The following SARM1 variants were observed in gnomAD, a reference collection of about 807,000 sequenced individuals.
SARM1 encodes NAD(+) hydrolase SARM1.
In SARM1, 60 loss-of-function variants were observed where a neutral mutation model predicts 65.1. The observed-to-expected ratio is 0.92, with a 90% CI of 0.75 to 1.14. The LOEUF is 1.14. SARM1 is among the 50% of genes most tolerant of loss of function. The pLI is 0.00. For missense variants in SARM1, 913 were observed against 1,015.7 expected, an observed-to-expected ratio of 0.90 and a Z score of 1.37; for synonymous variants, 417 against 465.4, an observed-to-expected ratio of 0.90 and a Z score of 1.34.
intron 7 of SARM1, among the ~76,000 whole-genome samples, chr17:28,394,054 G>C (rs1265274236): frequency 6.6e-6 from 1 of 152,210 alleles, no homozygotes; most frequent in Non-Finnish European, 1.5e-5. Flanking sequence ...CAGGGCAGGG[G>C]TAGAGTTTGA....
At chr17:28,391,549 G>A (rs2068079561) in intron 7 of SARM1, among the ~76,000 whole-genome samples, 1 of 152,032 alleles carries the variant, frequency 6.6e-6, no homozygotes, top group South Asian at 2.1e-4. Context: ...CATCCAGGAA[G>A]AACATGGCTG....
rs1555585164 is a variant in SARM1, at chr17:28,381,251, G to A, written c.519G>A (p.Lys173=). ...IGLGVILNLA[K]EREPVELARS... ...TGGGCGTGATCCTGAACCTGGCGAA[G>A]GAACGCGAACCCGTAGAGCTGGCGC... is the stretch of plus-strand genomic sequence containing the variant. Residue 173 remains lysine (K), a synonymous_variant, in exon 2 of 9, where the codon AAG becomes AAA. Coordinates refer to ENST00000585482, the MANE Select transcript of SARM1 (RefSeq NM_015077.4). The A allele has an allele frequency of 6.2e-7, 1 of 1,611,068 alleles. No homozygotes were observed. Among genetic ancestry groups the A allele is most frequent in the South Asian group, 1.1e-5 (1 of 90,336 alleles).
chr17:28,373,336 G>C (rs1597814353), intron 1 of SARM1: 1 of 152,260 alleles, frequency 6.6e-6, no homozygotes, highest in East Asian at 1.9e-4. Flanking sequence ...TGCCAGAGCA[G>C]ACCAAGCTGT....
In SARM1 at chr17:28,372,410, C is replaced by T; in HGVS notation, c.378C>T (p.Leu126=). 2 of 1,529,670 alleles carry T rather than the reference C, an allele frequency of 1.3e-6. No homozygotes were observed. The highest frequency in any genetic ancestry group is 1.7e-6 in the Non-Finnish European group (2 of 1,144,750). The allele number at this position is 1,529,670 out of a possible 1,614,324, so 94.8% of individuals were successfully genotyped here. A position where few individuals can be genotyped will look rare whatever the true frequency, so the allele number is the denominator to read the frequency against. Residue 126 remains leucine, a synonymous_variant, in exon 1 of 9, where the codon CTC becomes CTT. Transcript: ENST00000585482. The surrounding 1 kb of genome is among the most constrained non-coding windows in gnomAD (Gnocchi z 5.2). ...ACGCCATCCGCCTCGATGGCGGCCT[C>T]GACCTGCTGTTGCGGCTGCTGCAGG... The part of the protein sequence containing the change: ...LCDAIRLDGG[L]DLLLRLLQAP...
Position 28,403,111 on chromosome 17 carries a change from C to T in SARM1, c.*6825C>T, listed in dbSNP as rs1555590000. The stretch of plus-strand genomic sequence containing the variant: ...GGAAGAAATGAGAAACACGTTCTCT[C>T]CTGGAGGCTTGCAAGGGAGCACTGC... On this transcript the variant is annotated 3_prime_UTR_variant, in exon 9 of 9. Transcript: ENST00000585482. 11 of 152,284 alleles carry T rather than the reference C, an allele frequency of 7.2e-5. No individual in the cohort carries two copies. The highest frequency in any genetic ancestry group is 1.6e-4 in the Non-Finnish European group (11 of 68,110). The allele number at this position is 152,284 out of a possible 1,614,324, so 9.4% of individuals were successfully genotyped here. A position where few individuals can be genotyped will look rare whatever the true frequency, so the allele number is the denominator to read the frequency against.
intron 5 of SARM1, 84 bp from the exon 6 acceptor site, chr17:28,388,090 G>A (rs1597821544): frequency 9.2e-7 from 1 of 1,089,604 alleles, no homozygotes; most frequent in Non-Finnish European, 1.4e-6. Flanking sequence ...GTGGACTGGG[G>A]ACTAAGTCCA....
intron 7 of SARM1, among the ~76,000 whole-genome samples, chr17:28,389,482 T>C (rs1411700050): frequency 2.0e-5 from 3 of 152,212 alleles, no homozygotes; most frequent in Non-Finnish European, 2.9e-5. Flanking sequence ...CCATATTGCA[T>C]CTTCAGGTTA....
chr17:28,402,131 G>A lies in SARM1; in HGVS notation c.*5845G>A, dbSNP rs1239879860. The A allele has an allele frequency of 2.4e-5, 22 of 925,522 alleles. No individual in the cohort carries two copies. Among genetic ancestry groups the A allele is most frequent in the Non-Finnish European group, 3.6e-5 (22 of 616,096 alleles). The allele number at this position is 925,522 out of a possible 1,614,324, so 57.3% of individuals were successfully genotyped here. On this transcript the variant is annotated 3_prime_UTR_variant, in exon 9 of 9. Coordinates refer to ENST00000585482, the MANE Select transcript of SARM1 (RefSeq NM_015077.4). The stretch of plus-strand genomic sequence containing the variant: ...TGTTTTGGCCACTTACTTCTCCAGG[G>A]TGAGAGGGGGGAAGGCAAGCTGTTC...
rs1385287448 is a variant in SARM1 at position 28,396,473 on chromosome 17, G to A, written c.*187G>A. The A allele has an allele frequency of 1.5e-6, 1 of 686,222 alleles. No individual in the cohort carries two copies. Among genetic ancestry groups the A allele is most frequent in the African/African-American group, 1.8e-5 (1 of 55,332 alleles). 42.5% of individuals were successfully genotyped at this position (686,222 alleles called of 1,614,324 possible). A position where few individuals can be genotyped will look rare whatever the true frequency, so the allele number is the denominator to read the frequency against. On this transcript the variant is annotated 3_prime_UTR_variant, in exon 9 of 9. Transcript: ENST00000585482. Reference sequence around the variant, plus strand: ...CCACTTTCCTCAGTATCTGGAGAGGGAAGGGAAGTCAGGCTTGGGCACGGG... The same window carrying A: ...CCACTTTCCTCAGTATCTGGAGAGGAAAGGGAAGTCAGGCTTGGGCACGGG...
intron 1 of SARM1, among the ~76,000 whole-genome samples, chr17:28,380,959 A>G (rs868919567): frequency 1.3e-5 from 2 of 152,188 alleles, no homozygotes; most frequent in African/African-American, 2.4e-5. Flanking sequence ...GCCACCACAC[A>G]TACTGCCTCT....
chr17:28,376,657 A>G (rs1555584670), intron 1 of SARM1, among the ~76,000 whole-genome samples: 2 of 152,144 alleles, frequency 1.3e-5, no homozygotes, highest in Non-Finnish European at 2.9e-5. Flanking sequence ...TTTGGTAGAG[A>G]CAGGGTCTTT....
rs112805354 is a variant in SARM1 at position 28,384,710 on chromosome 17, G to A, written c.1303-129G>A. On this transcript the variant is annotated intron_variant, in intron 3 of 8. Transcript: ENST00000585482. The surrounding 1 kb of genome is among the most constrained non-coding windows in gnomAD (Gnocchi z 4.4). ...GAGCCTGTACGCAGCCACCGTTAGGGTCACTCGGCTCTGATCTAGGTCCCA... is the reference window on the plus strand; with the variant it reads ...GAGCCTGTACGCAGCCACCGTTAGGATCACTCGGCTCTGATCTAGGTCCCA... 452 of 1,197,062 alleles carry A rather than the reference G, an allele frequency of 3.8e-4. 1 individual carries two copies. In the African/African-American group the frequency reaches 6.2e-3, roughly 16 times the overall value. 74.2% of individuals were successfully genotyped at this position (1,197,062 alleles called of 1,614,324 possible).
At chr17:28,383,709 G>A (rs1161703153) in intron 2 of SARM1, among the ~76,000 whole-genome samples, 1 of 152,202 alleles carries the variant, frequency 6.6e-6, no homozygotes, top group Non-Finnish European at 1.5e-5. Flanking sequence ...TAGTGACTAA[G>A]ACATGTCCTC....
intron 5 of SARM1, among the ~76,000 whole-genome samples, chr17:28,387,069 C>T (rs1277032874): frequency 6.6e-6 from 1 of 152,002 alleles, no homozygotes; most frequent in African/African-American, 2.4e-5. Context: ...ACAGGAAAAT[C>T]CTAGGGCAAA....
intron 7 of SARM1, among the ~76,000 whole-genome samples, chr17:28,393,418 G>A (rs1555587195): frequency 6.6e-6 from 1 of 152,082 alleles, no homozygotes. Flanking sequence ...GGACATGGTG[G>A]CACACGCCTG....
In SARM1 at chr17:28,399,691, G is replaced by A. The variant is rs782088415; in HGVS notation, c.*3405G>A. ...TGGGGAAACTGCTGGAACTCGAGGT[G>A]AGGATCAGCCTTTTCCAGCATCCTG... On this transcript the variant is annotated 3_prime_UTR_variant, in exon 9 of 9. Coordinates refer to ENST00000585482, the MANE Select transcript of SARM1 (RefSeq NM_015077.4). 1.5e-5 allele frequency: 25 copies of A among 1,613,864 alleles called. No individual in the cohort carries two copies. Among genetic ancestry groups the A allele is most frequent in the Non-Finnish European group, 8.5e-7 (1 of 1,179,902 alleles).
Position 28,381,718 on chromosome 17 carries a change from G to A in SARM1, c.986G>A (p.Arg329His). The A allele has an allele frequency of 6.4e-7, 1 of 1,554,512 alleles. No homozygotes were observed. The highest frequency in any genetic ancestry group is 1.2e-5 in the South Asian group (1 of 84,002). ...GGCCGCGGGCCCGACGACCTGCAGC[G>A]CCTCGTGCCGTTGCTCGACTCTAAC... Reference protein sequence around the residue: ...SQGRGPDDLQRLVPLLDSNRL... With the variant: ...SQGRGPDDLQHLVPLLDSNRL... Residue 329 changes from arginine (R) to histidine (H), a missense_variant, in exon 2 of 9, where the codon CGC becomes CAC. Transcript: ENST00000585482.
rs2067957414 is a variant in SARM1, at chr17:28,371,994, C to T, written c.-39C>T. Reference sequence around the variant, plus strand: ...AAACCCGGGTCTCTCCGCGTGGCCCCGCCTCCAGGCCGGGGATGTCCCCCG... The same window carrying T: ...AAACCCGGGTCTCTCCGCGTGGCCCTGCCTCCAGGCCGGGGATGTCCCCCG... On this transcript the variant is annotated 5_prime_UTR_variant, in exon 1 of 9. Coordinates refer to ENST00000585482, the MANE Select transcript of SARM1 (RefSeq NM_015077.4). 4.3e-5 allele frequency: 61 copies of T among 1,411,418 alleles called. No individual in the cohort carries two copies. Among genetic ancestry groups the T allele is most frequent in the Non-Finnish European group, 5.6e-5 (61 of 1,084,336 alleles). The allele number at this position is 1,411,418 out of a possible 1,614,324, so 87.4% of individuals were successfully genotyped here.
In SARM1 at chr17:28,400,857, G is replaced by C. The variant is rs929959708; in HGVS notation, c.*4571G>C. 2 of 1,196,988 alleles carry C rather than the reference G, an allele frequency of 1.7e-6. No homozygotes were observed. Among genetic ancestry groups the C allele is most frequent in the East Asian group, 5.1e-5 (2 of 39,280 alleles). The allele number at this position is 1,196,988 out of a possible 1,614,324, so 74.1% of individuals were successfully genotyped here. A position where few individuals can be genotyped will look rare whatever the true frequency, so the allele number is the denominator to read the frequency against. Reference sequence around the variant, plus strand: ...CCTCACAGCTGTGTGACCGGGAGTAGTCACTTAACCTATGTCTCCCCTTCC... The same window carrying C: ...CCTCACAGCTGTGTGACCGGGAGTACTCACTTAACCTATGTCTCCCCTTCC... On this transcript the variant is annotated 3_prime_UTR_variant, in exon 9 of 9. Coordinates refer to ENST00000585482, the MANE Select transcript of SARM1 (RefSeq NM_015077.4).
Sources: allele counts gnomAD v4.1 joint callset (sites outside exome capture counted in the v4.1 genomes callset), GRCh38; gene constraint gnomAD v4.1.1; non-coding constraint Gnocchi (gnomAD v3.1); transcripts MANE v1.5; gene names NCBI Gene and HGNC (gene_info 2026-07-23, HGNC 2026-07-21).